Variants in MARCHF1 observed in about 807,000 individuals in gnomAD.
The protein encoded by MARCHF1 is membrane associated ring-CH-type finger 1.
Under a neutral mutation model 54.2 loss-of-function variants are expected in MARCHF1, and 40 were observed. The observed-to-expected ratio is 0.74, with a 90% CI of 0.57 to 0.96. The LOEUF (loss-of-function observed/expected upper bound fraction) is 0.96, where lower values mean the gene tolerates loss of function less well. Ranked by LOEUF, MARCHF1 falls within the 40% of genes least tolerant of loss-of-function variation. The pLI, the probability that MARCHF1 is intolerant of heterozygous loss-of-function variation, is 0.00. For missense variants in MARCHF1, 586 were observed against 656.5 expected (o/e 0.89, Z 1.17); for synonymous variants, 236 against 236.3 (o/e 1.00, Z 0.01).
At position 163,583,652 on chromosome 4, in the gene MARCHF1, G is replaced by GTTTTTTTTTTTTTTT. The variant is rs11350711; in HGVS notation, c.1191+2096_1191+2097insAAAAAAAAAAAAAAA. ...TATCATGAATTTTTGTTTTTTGTGT[G>GTTTTTTTTTTTTTTT]TTTTTTTTTTTTTTGGAGACAAAGT... is the stretch of plus-strand genomic sequence containing the variant. On this transcript the variant is annotated intron_variant, in intron 8 of 9. Transcript: ENST00000514618. 8.9e-5 allele frequency: 11 copies of GTTTTTTTTTTTTTTT among 123,792 alleles called. 1 individual carries two copies. Among genetic ancestry groups the GTTTTTTTTTTTTTTT allele is most frequent in the African/African-American group, 3.4e-4 (11 of 31,936 alleles). 7.7% of individuals were successfully genotyped at this position (123,792 alleles called of 1,614,324 possible). A position where few individuals can be genotyped will look rare whatever the true frequency, so the allele number is the denominator to read the frequency against.
At chr4:163,574,799 C>T (rs556481482) in intron 8 of MARCHF1, among the ~76,000 whole-genome samples, 8 of 151,968 alleles carry the variant, frequency 5.3e-5, no homozygotes, top group African/African-American at 2.4e-5. Context: ...GCGATGCGGG[C>T]TCTTTTTTGG....
chr4:163,923,869 C>T (rs1175751037), intron 3 of MARCHF1, among the ~76,000 whole-genome samples: 7 of 151,456 alleles, frequency 4.6e-5, no homozygotes, highest in Non-Finnish European at 8.8e-5. Context: ...ACTTTTCAGT[C>T]ATTTTGTGAT....
intron 1 of MARCHF1, among the ~76,000 whole-genome samples, chr4:164,279,794 A>G (rs1579685154): frequency 6.6e-6 from 1 of 151,700 alleles, no homozygotes; most frequent in African/African-American, 2.4e-5. Context: ...ATTTCTAACT[A>G]GAAGAATATG....
chr4:163,827,244 C>G (rs945273252), intron 4 of MARCHF1, among the ~76,000 whole-genome samples: 2 of 151,962 alleles, frequency 1.3e-5, no homozygotes, highest in Admixed American at 1.3e-4. Flanking sequence ...CTTTAGTTGC[C>G]TTTCAATCAT....
chr4:164,098,268 T>C (rs180722241), intron 2 of MARCHF1, among the ~76,000 whole-genome samples: 4 of 152,322 alleles, frequency 2.6e-5, no homozygotes, highest in Admixed American at 2.0e-4. Flanking sequence ...GGCTGGTATT[T>C]TCTGGTTATG....
intron 4 of MARCHF1, among the ~76,000 whole-genome samples, chr4:163,788,766 A>C (rs1412580805): frequency 1.3e-5 from 2 of 152,018 alleles, no homozygotes; most frequent in African/African-American, 4.8e-5. Flanking sequence ...CTTTTTGCTT[A>C]ATTTTCCCTT....
rs78346699 is a variant in MARCHF1, at chr4:163,694,654, C to T, written c.162+6159G>A. On this transcript the variant is annotated intron_variant, in intron 5 of 9. Coordinates refer to ENST00000514618, the MANE Select transcript of MARCHF1 (RefSeq NM_001394959.1). ...TCATCTCAGGATCTGCTGTGATAAACCTGACCTAAGACAGATTCCTATTAC... is the reference window on the plus strand; with the variant it reads ...TCATCTCAGGATCTGCTGTGATAAATCTGACCTAAGACAGATTCCTATTAC... Among the ~76,000 whole-genome samples the T allele has an allele frequency of 2.0e-3, 301 of 152,224 alleles. 1 individual carries two copies. Among genetic ancestry groups the T allele is most frequent in the African/African-American group, 6.9e-3 (287 of 41,546 alleles).
chr4:163,561,612 G>T (rs1453020744), intron 8 of MARCHF1, among the ~76,000 whole-genome samples: 1 of 151,994 alleles, frequency 6.6e-6, no homozygotes, highest in Non-Finnish European at 1.5e-5. Flanking sequence ...GGATAAAATT[G>T]GTATCAGCTA....
intron 8 of MARCHF1, among the ~76,000 whole-genome samples, chr4:163,557,015 G>A (rs536598455): frequency 2.0e-5 from 3 of 151,978 alleles, no homozygotes; most frequent in South Asian, 2.1e-4. Context: ...CAAAGAAATC[G>A]GAGACATTTT....
chr4:163,832,084 G>A (rs1038137750), intron 4 of MARCHF1, among the ~76,000 whole-genome samples: 6 of 152,150 alleles, frequency 3.9e-5, no homozygotes, highest in Non-Finnish European at 5.9e-5. Context: ...TACGATGAAG[G>A]CATGACTAAG....
In MARCHF1 at chr4:163,586,908, TC is replaced by T. The variant is rs1740431891; in HGVS notation, c.1011-980del. 2.0e-5 allele frequency among the ~76,000 whole-genome samples: 3 copies of T among 152,206 alleles called. No individual in the cohort carries two copies. In the South Asian group the frequency reaches 6.2e-4, roughly 32 times the overall value. On this transcript the variant is annotated intron_variant, in intron 7 of 9. Transcript: ENST00000514618. The stretch of plus-strand genomic sequence containing the variant: ...TAGCTTGAAAATATTACAGATATGT[TC>T]TTAGGAAGAAGCACACCTATTTGGT...
chr4:164,159,783 G>A (rs2110936832), intron 1 of MARCHF1, among the ~76,000 whole-genome samples: 1 of 152,310 alleles, frequency 6.6e-6, no homozygotes, highest in East Asian at 1.9e-4. Context: ...ATAGAGTATA[G>A]TGGAAAGAGA....
chr4:163,814,919 GTTA>G (rs1417367907), intron 4 of MARCHF1, among the ~76,000 whole-genome samples: 3 of 151,942 alleles, frequency 2.0e-5, no homozygotes, highest in Non-Finnish European at 2.9e-5. Context: ...AATATCATTA[GTTA>G]TTATAATAAA....
intron 9 of MARCHF1, among the ~76,000 whole-genome samples, chr4:163,541,186 A>G (rs1213486118): frequency 2.0e-5 from 3 of 152,188 alleles, no homozygotes; most frequent in Non-Finnish European, 4.4e-5. Context: ...AACACCAAGT[A>G]TTTTCTGAAT....
Position 163,636,938 on chromosome 4 carries a change from G to A in MARCHF1, c.163-23545C>T, listed in dbSNP as rs561410297. ...ACAGGACAGAGCCCTCAGAAATAAC[G>A]CTGCATATCTACAACTATCTGATCT... On this transcript the variant is annotated intron_variant, in intron 5 of 9. Coordinates refer to ENST00000514618, the MANE Select transcript of MARCHF1 (RefSeq NM_001394959.1). Among the ~76,000 whole-genome samples the A allele has an allele frequency of 8.9e-3, 1,355 of 152,118 alleles. 13 individuals are homozygous for A. The highest frequency in any genetic ancestry group is 0.027 in the African/African-American group (1,126 of 41,464).
chr4:163,749,653 A>G (rs1746461867), intron 4 of MARCHF1, among the ~76,000 whole-genome samples: 1 of 152,106 alleles, frequency 6.6e-6, no homozygotes, highest in African/African-American at 2.4e-5. Flanking sequence ...AAATTTTATT[A>G]AACACATTTT....
At chr4:164,096,604 CCTT>C (rs1329715271) in intron 2 of MARCHF1, among the ~76,000 whole-genome samples, 2 of 151,662 alleles carry the variant, frequency 1.3e-5, no homozygotes, top group African/African-American at 2.4e-5. Context: ...CCTCCAGAGT[CCTT>C]CTCTTTGTAA....
At chr4:164,117,627 C>A (rs1037955697) in intron 1 of MARCHF1, among the ~76,000 whole-genome samples, 1 of 151,790 alleles carries the variant, frequency 6.6e-6, no homozygotes, top group Non-Finnish European at 1.5e-5. Flanking sequence ...AAGCTGGGCA[C>A]GGTGGCTCAC....
intron 2 of MARCHF1, among the ~76,000 whole-genome samples, chr4:164,038,902 C>A (rs1445088644): frequency 2.0e-5 from 3 of 151,058 alleles, no homozygotes; most frequent in South Asian, 2.1e-4. Flanking sequence ...AGTGGAACCC[C>A]CTCAATAATT....
Sources: allele counts gnomAD v4.1 joint callset (sites outside exome capture counted in the v4.1 genomes callset), GRCh38; gene constraint gnomAD v4.1.1; transcripts MANE v1.5; gene names NCBI Gene and HGNC (gene_info 2026-07-23, HGNC 2026-07-21).